Variants in MAST4 observed in about 807,000 individuals in gnomAD.
MAST4 encodes the protein microtubule associated serine/threonine kinase family member 4.
A neutral mutation model predicts 162.7 loss-of-function variants in MAST4; 89 were observed. That is an observed-to-expected ratio of 0.55 (90% CI 0.46 to 0.65). MAST4 has a LOEUF of 0.65. Ranked by LOEUF, MAST4 falls within the 30% of genes least tolerant of loss-of-function variation. MAST4 has a pLI of 0.00. For synonymous variants in MAST4, 1,479 were observed against 1,361.1 expected (o/e 1.09, Z -1.91); for missense variants, 3,153 against 3,374.0 (o/e 0.93, Z 1.62).
At position 67,133,637 on chromosome 5, in the gene MAST4, G is replaced by A; in HGVS notation, c.2217G>A (p.Leu739=). The change falls in exon 17 of 29, where the codon CTG becomes CTA. Residue 739 remains leucine, a synonymous_variant. Coordinates refer to ENST00000403625, the MANE Select transcript of MAST4 (RefSeq NM_001164664.2). ...TTGAGAAGGATGCTAGAGAGTTCCT[G>A]GATAAACAGGTAAGCTTGGGTGCCA... The part of the protein sequence containing the change: ...GHIEKDAREF[L]DKQVCGTPEY... The A allele has an allele frequency of 1.2e-6, 2 of 1,612,956 alleles. No individual in the cohort carries two copies. Among genetic ancestry groups the A allele is most frequent in the Non-Finnish European group, 1.7e-6 (2 of 1,179,246 alleles).
chr5:67,008,688 C>A lies in MAST4; in HGVS notation c.675-45716C>A, dbSNP rs377342793. Among the ~76,000 whole-genome samples, 4 of 152,314 alleles carry A rather than the reference C, an allele frequency of 2.6e-5. No individual in the cohort carries two copies. The East Asian group carries it at 7.7e-4, about 29-fold the overall frequency. Reference sequence around the variant, plus strand: ...CCGATGGGTAGTTTGTGACTCAGTTCATCACTTTGAGCAAGTTTCCAAATG... The same window carrying A: ...CCGATGGGTAGTTTGTGACTCAGTTAATCACTTTGAGCAAGTTTCCAAATG... On this transcript the variant is annotated intron_variant, in intron 4 of 28. Transcript: ENST00000403625.
intron 5 of MAST4, among the ~76,000 whole-genome samples, chr5:67,056,170 T>C (rs916675703): frequency 6.6e-6 from 1 of 152,032 alleles, no homozygotes; most frequent in Non-Finnish European, 1.5e-5. Flanking sequence ...TGAGAGGGCA[T>C]GAGAGGGATA....
intron 4 of MAST4, among the ~76,000 whole-genome samples, chr5:66,924,711 C>A (rs1307499823): frequency 6.6e-6 from 1 of 152,032 alleles, no homozygotes; most frequent in Admixed American, 6.5e-5. Context: ...ATAATTTAAA[C>A]AATATTTAAA....
chr5:66,631,094 G>C (rs913742996), intron 1 of MAST4, among the ~76,000 whole-genome samples: 3 of 152,016 alleles, frequency 2.0e-5, no homozygotes, highest in Admixed American at 6.6e-5. Context: ...TGTTGATTCT[G>C]ATCTGCCATG....
At chr5:66,702,257 T>G (rs1749829149) in intron 1 of MAST4, among the ~76,000 whole-genome samples, 1 of 152,084 alleles carries the variant, frequency 6.6e-6, no homozygotes, top group Admixed American at 6.5e-5. Context: ...TGCCATGGGG[T>G]TCACTCTTGT....
At chr5:66,698,381 C>T (rs1401258451) in intron 1 of MAST4, among the ~76,000 whole-genome samples, 2 of 151,492 alleles carry the variant, frequency 1.3e-5, no homozygotes. Context: ...CATCCCCACT[C>T]CTGCCCCCTC....
At chr5:66,929,841 C>T (rs1378404105) in intron 4 of MAST4, among the ~76,000 whole-genome samples, 1 of 152,190 alleles carries the variant, frequency 6.6e-6, no homozygotes, top group African/African-American at 2.4e-5. Flanking sequence ...GATGATGGAA[C>T]TGCAAGGTGG....
intron 1 of MAST4, among the ~76,000 whole-genome samples, chr5:66,635,004 G>A (rs183859455): frequency 9.2e-5 from 14 of 152,318 alleles, no homozygotes; most frequent in Admixed American, 8.5e-4. Flanking sequence ...TGCCATCCTA[G>A]TATTGTCTTT....
At chr5:67,095,564 T>C (rs757635805) in intron 6 of MAST4, 33 bp from the exon 7 acceptor site, 1 of 1,557,202 alleles carries the variant, frequency 6.4e-7, no homozygotes, top group Non-Finnish European at 8.8e-7. Context: ...AGTACGCCAG[T>C]GTTGGCCTAA....
chr5:67,109,813 T>A (rs1408680459), intron 10 of MAST4, among the ~76,000 whole-genome samples: 1 of 152,198 alleles, frequency 6.6e-6, no homozygotes, highest in Non-Finnish European at 1.5e-5. Context: ...TTTTAATGTC[T>A]CCTTCATTCA....
At chr5:67,015,373 T>C (rs1753159322) in intron 4 of MAST4, among the ~76,000 whole-genome samples, 1 of 152,228 alleles carries the variant, frequency 6.6e-6, no homozygotes, top group African/African-American at 2.4e-5. Context: ...TAGCTGTTCC[T>C]TCAGCCACTT....
intron 1 of MAST4, among the ~76,000 whole-genome samples, chr5:66,600,742 G>A (rs1233507414): frequency 1.3e-5 from 2 of 152,172 alleles, no homozygotes; most frequent in Non-Finnish European, 2.9e-5. Context: ...GGTAAATTTT[G>A]AACAAAGTCA....
intron 1 of MAST4, among the ~76,000 whole-genome samples, chr5:66,738,601 G>A (rs538973270): frequency 2.5e-4 from 38 of 152,322 alleles, no homozygotes; most frequent in South Asian, 2.5e-3. Flanking sequence ...TAGGTGCTAG[G>A]TACGGCGGAG....
At chr5:66,726,713 T>C (rs1751544477) in intron 1 of MAST4, among the ~76,000 whole-genome samples, 1 of 152,028 alleles carries the variant, frequency 6.6e-6, no homozygotes, top group African/African-American at 2.4e-5. Context: ...GACGAGCAAA[T>C]GAGCATTATC....
chr5:67,150,345 T>G (rs1771648364), intron 24 of MAST4, among the ~76,000 whole-genome samples: 2 of 152,180 alleles, frequency 1.3e-5, no homozygotes, highest in South Asian at 4.1e-4. Context: ...AGATGGCTTG[T>G]TTTTGGAAGA....
chr5:66,725,845 C>T (rs943112172), intron 1 of MAST4, among the ~76,000 whole-genome samples: 2 of 152,064 alleles, frequency 1.3e-5, no homozygotes, highest in African/African-American at 2.4e-5. Flanking sequence ...ATGTTATGTG[C>T]CGGTTGAAAT....
At chr5:66,808,227 G>GT (rs1355003084) in intron 3 of MAST4, among the ~76,000 whole-genome samples, 1 of 152,184 alleles carries the variant, frequency 6.6e-6, no homozygotes, top group Non-Finnish European at 1.5e-5. Flanking sequence ...TTGTTAGGTA[G>GT]TTTTTTACAG....
intron 4 of MAST4, among the ~76,000 whole-genome samples, chr5:66,967,879 G>A (rs1746941560): frequency 6.6e-6 from 1 of 151,922 alleles, no homozygotes. Flanking sequence ...TCCTTCTGAG[G>A]CAACCATAAC....
At position 66,866,156 on chromosome 5, in the gene MAST4, T is replaced by A. The variant is rs564633632; in HGVS notation, c.643-33795T>A. Among the ~76,000 whole-genome samples the A allele has an allele frequency of 3.8e-3, 577 of 151,894 alleles. 7 individuals are homozygous for A. Among genetic ancestry groups the A allele is most frequent in the Middle Eastern group, 0.014 (4 of 292 alleles). On this transcript the variant is annotated intron_variant, in intron 3 of 28. Coordinates refer to ENST00000403625, the MANE Select transcript of MAST4 (RefSeq NM_001164664.2). The stretch of plus-strand genomic sequence containing the variant: ...AGTATTGGCAAGTATTATTTCATGA[T>A]GTAAAATATGAACATTAGGGTGAAA...
Sources: allele counts gnomAD v4.1 joint callset (sites outside exome capture counted in the v4.1 genomes callset), GRCh38; gene constraint gnomAD v4.1.1; transcripts MANE v1.5; gene names NCBI Gene and HGNC (gene_info 2026-07-23, HGNC 2026-07-21).